The following SPAG16 variants were observed in gnomAD, a reference collection of about 807,000 sequenced individuals.
The protein encoded by SPAG16 is sperm associated antigen 16, also known as sperm-associated antigen 16 protein.
In SPAG16, 86 loss-of-function variants were observed where a neutral mutation model predicts 80.4. The observed-to-expected ratio is 1.07, with a 90% CI of 0.90 to 1.28. The LOEUF is 1.28. Among genes scored for constraint, SPAG16 ranks in the 50% most tolerant of loss-of-function variants. The pLI is 0.00. For synonymous variants in SPAG16, 294 were observed against 265.9 expected (o/e 1.11, Z -1.03); for missense variants, 870 against 765.3 (o/e 1.14, Z -1.61).
chr2:213,847,713 G>A (rs960844267), intron 10 of SPAG16, among the ~76,000 whole-genome samples: 2 of 152,158 alleles, frequency 1.3e-5, no homozygotes, highest in African/African-American at 4.8e-5. Flanking sequence ...AAGTTAGGTA[G>A]TGAGAGGACA....
rs67726428 is a variant in SPAG16, at chr2:214,165,469, C to CTTTT, written c.1720+16237_1720+16240dup. Among the ~76,000 whole-genome samples, 28 of 37,856 alleles carry CTTTT rather than the reference C, an allele frequency of 7.4e-4. 6 individuals carry two copies. The highest frequency in any genetic ancestry group is 2.9e-3 in the African/African-American group (21 of 7,174). 24.8% of individuals were successfully genotyped at this position (37,856 alleles called of 152,430 possible). The stretch of plus-strand genomic sequence containing the variant: ...TTTAAAAATGCTTTGCATCACCATC[C>CTTTT]TTTTTTTTTTTTTTTTTTTTTTTTT... On this transcript the variant is annotated intron_variant, in intron 15 of 15. Transcript: ENST00000331683.
intron 8 of SPAG16, among the ~76,000 whole-genome samples, chr2:213,371,778 A>C (rs2066650891): frequency 6.6e-6 from 1 of 152,218 alleles, no homozygotes; most frequent in Non-Finnish European, 1.5e-5. Flanking sequence ...TTAGCAAAGT[A>C]TTTTAAACAT....
At chr2:213,717,676 A>G (rs1215109572) in intron 10 of SPAG16, among the ~76,000 whole-genome samples, 3 of 152,162 alleles carry the variant, frequency 2.0e-5, no homozygotes, top group African/African-American at 4.8e-5. Flanking sequence ...ACTGTTCACT[A>G]TGTTAGACAT....
intron 14 of SPAG16, among the ~76,000 whole-genome samples, chr2:214,114,621 G>T (rs1024013346): frequency 1.3e-5 from 2 of 152,202 alleles, no homozygotes; most frequent in African/African-American, 4.8e-5. Flanking sequence ...CCAGGCACAG[G>T]AGAGAATCTC....
intron 3 of SPAG16, among the ~76,000 whole-genome samples, chr2:213,301,596 T>C (rs2062741957): frequency 6.6e-6 from 1 of 152,142 alleles, no homozygotes; most frequent in African/African-American, 2.4e-5. Context: ...TCACTTAGTC[T>C]ACCTTAAAGC....
intron 10 of SPAG16, among the ~76,000 whole-genome samples, chr2:213,501,650 T>C (rs951099562): frequency 3.9e-5 from 6 of 152,194 alleles, no homozygotes; most frequent in Non-Finnish European, 5.9e-5. Context: ...TGAGACTTTT[T>C]CTCCTTTTGT....
Position 213,862,561 on chromosome 2 carries a change from A to G in SPAG16, c.1147A>G (p.Lys383Glu). 6.2e-7 allele frequency: 1 copy of G among 1,614,154 alleles called. No individual in the cohort carries two copies. The highest frequency in any genetic ancestry group is 8.5e-7 in the Non-Finnish European group (1 of 1,180,004). Residue 383 changes from lysine (K) to glutamate (E), a missense_variant, in exon 11 of 16, where the codon AAA (lysine) becomes GAA (glutamate). By Grantham distance (56) the Lys-to-Glu change is moderately conservative (BLOSUM62 1). Coordinates refer to ENST00000331683, the MANE Select transcript of SPAG16 (RefSeq NM_024532.5). ...ACTCTGGAAGGTGTTGGGCCTTCCA[A>G]AATGCAATGTGCTTCTCACGGGATT... is the stretch of plus-strand genomic sequence containing the variant. The part of the protein sequence containing the change: ...DRLWKVLGLP[K>E]CNVLLTGFGH...
chr2:213,526,103 C>T (rs780436260), intron 10 of SPAG16, among the ~76,000 whole-genome samples: 62 of 152,206 alleles, frequency 4.1e-4, no homozygotes, highest in African/African-American at 1.1e-3. Flanking sequence ...TTCTTAATAT[C>T]GGTATCTTAA....
At chr2:213,617,999 A>T (rs532366467) in intron 10 of SPAG16, among the ~76,000 whole-genome samples, 3 of 152,290 alleles carry the variant, frequency 2.0e-5, no homozygotes, top group African/African-American at 7.2e-5. Flanking sequence ...GGGCTTGTCA[A>T]GGTTGAGGTT....
intron 12 of SPAG16, among the ~76,000 whole-genome samples, chr2:213,961,036 C>A (rs1317130523): frequency 6.6e-6 from 1 of 152,092 alleles, no homozygotes; most frequent in Non-Finnish European, 1.5e-5. Flanking sequence ...GCGATGGGGA[C>A]AAGGATAGGT....
At chr2:213,366,572 A>G (rs2066302366) in intron 8 of SPAG16, among the ~76,000 whole-genome samples, 1 of 152,122 alleles carries the variant, frequency 6.6e-6, no homozygotes, top group Non-Finnish European at 1.5e-5. Context: ...AAACCATCAG[A>G]TCTTGTGAGA....
At position 213,426,834 on chromosome 2, in the gene SPAG16, CAT is replaced by C. The variant is rs1348165430; in HGVS notation, c.942+51717_942+51718del. ...ACTTTTTCAAAAGATTATTCTGATA[CAT>C]ACACACACACACACACACACACACA... On this transcript the variant is annotated intron_variant, in intron 9 of 15. Transcript: ENST00000331683. 2.6e-3 allele frequency among the ~76,000 whole-genome samples: 195 copies of C among 76,042 alleles called. 1 individual carries two copies. The highest frequency in any genetic ancestry group is 5.7e-3 in the African/African-American group (119 of 20,972). 49.9% of individuals were successfully genotyped at this position (76,042 alleles called of 152,430 possible).
chr2:213,305,076 G>A (rs1258703672), intron 3 of SPAG16, among the ~76,000 whole-genome samples: 2 of 151,878 alleles, frequency 1.3e-5, no homozygotes, highest in Admixed American at 6.6e-5. Flanking sequence ...AGCTTTCATT[G>A]TAGAGAGATC....
intron 10 of SPAG16, among the ~76,000 whole-genome samples, chr2:213,702,519 C>T (rs866119424): frequency 1.7e-4 from 26 of 152,182 alleles, no homozygotes; most frequent in South Asian, 4.1e-4. Context: ...AGAACTGTAA[C>T]GCCGCGAGGG....
rs573753831 is a variant in SPAG16 at position 213,316,854 on chromosome 2, A to C, written c.399-365A>C. Among the ~76,000 whole-genome samples the C allele has an allele frequency of 6.3e-4, 96 of 152,072 alleles. No individual in the cohort carries two copies. The Middle Eastern group carries it at 0.01, about 16-fold the overall frequency. ...GCACTCCCATCAGTGTTTCCACCTC[A>C]TTCTTCCTATATCTTTCAGACAGCT... On this transcript the variant is annotated intron_variant, in intron 4 of 15. Coordinates refer to ENST00000331683, the MANE Select transcript of SPAG16 (RefSeq NM_024532.5).
intron 11 of SPAG16, among the ~76,000 whole-genome samples, chr2:213,904,459 G>A (rs1272003292): frequency 6.6e-6 from 1 of 151,982 alleles, no homozygotes; most frequent in Non-Finnish European, 1.5e-5. Flanking sequence ...AGAATAGTAT[G>A]GGGGAAACCA....
chr2:213,880,467 T>A (rs919659614), intron 11 of SPAG16, among the ~76,000 whole-genome samples: 2 of 152,022 alleles, frequency 1.3e-5, no homozygotes, highest in African/African-American at 4.8e-5. Flanking sequence ...GCTGTGCAGA[T>A]CTTTAGTTTA....
intron 10 of SPAG16, among the ~76,000 whole-genome samples, chr2:213,827,873 T>G (rs1415160329): frequency 2.0e-5 from 3 of 152,126 alleles, no homozygotes; most frequent in Non-Finnish European, 4.4e-5. Context: ...AAAAGTCTGC[T>G]GCCAGAGGTA....
At chr2:214,084,382 C>T (rs887796286) in intron 13 of SPAG16, among the ~76,000 whole-genome samples, 1 of 152,046 alleles carries the variant, frequency 6.6e-6, no homozygotes, top group Non-Finnish European at 1.5e-5. Flanking sequence ...CCCTTCAGCA[C>T]GTAATCTTTG....
Sources: allele counts gnomAD v4.1 joint callset (sites outside exome capture counted in the v4.1 genomes callset), GRCh38; gene constraint gnomAD v4.1.1; transcripts MANE v1.5; gene names NCBI Gene and HGNC (gene_info 2026-07-23, HGNC 2026-07-21).